The following TELO2 variants were observed in gnomAD, a reference collection of about 807,000 sequenced individuals.
TELO2 encodes the protein telomere length regulation protein TEL2 homolog.
In TELO2, 71 loss-of-function variants were observed where a neutral mutation model predicts 91.0. The ratio of observed to expected loss-of-function variants is 0.78; its 90% CI spans 0.64 to 0.95. The LOEUF is 0.95. Ranked by LOEUF, TELO2 falls within the 40% of genes least tolerant of loss-of-function variation. TELO2 has a pLI of 0.00. For missense variants in TELO2, 1,183 were observed against 1,141.3 expected (o/e 1.04, Z -0.53); for synonymous variants, 584 against 518.9 (o/e 1.13, Z -1.71).
Position 1,505,641 on chromosome 16 carries a change from C to T in TELO2, c.2034+40C>T, listed in dbSNP as rs372850908. ...GTCAGCTCCTCACGGGCATGGGGACCGTGGGTGGGTGGGAAGGGCGGTCAG... is the reference window on the plus strand; with the variant it reads ...GTCAGCTCCTCACGGGCATGGGGACTGTGGGTGGGTGGGAAGGGCGGTCAG... On this transcript the variant is annotated intron_variant, in intron 16 of 20. Coordinates refer to ENST00000262319, the MANE Select transcript of TELO2 (RefSeq NM_016111.4). The surrounding 1 kb of genome is among the most constrained non-coding windows in gnomAD (Gnocchi z 4.3). The T allele has an allele frequency of 1.5e-4, 107 of 732,638 alleles. 2 individuals are homozygous for T. The highest frequency in any genetic ancestry group is 7.6e-4 in the East Asian group (21 of 27,708). The allele number at this position is 732,638 out of a possible 1,614,324, so 45.4% of individuals were successfully genotyped here. A position where few individuals can be genotyped will look rare whatever the true frequency, so the allele number is the denominator to read the frequency against.
At chr16:1,504,779 A>C (rs55916601) in intron 15 of TELO2, among the ~76,000 whole-genome samples, 23 of 151,650 alleles carry the variant, frequency 1.5e-4, no homozygotes, top group Admixed American at 3.9e-4. Flanking sequence ...GGATGGTCTC[A>C]ATCTCCTGAC....
At position 1,500,409 on chromosome 16, in the gene TELO2, G is replaced by C. The variant is rs759343790; in HGVS notation, c.1065G>C (p.Pro355=). ...GTGCCATCCGCCACACTCCCCTGCCGCAGCAGCGCCACGTCAGCAAGGCTG... is the reference window on the plus strand; with the variant it reads ...GTGCCATCCGCCACACTCCCCTGCCCCAGCAGCGCCACGTCAGCAAGGCTG... ...SSSAIRHTPL[P]QQRHVSKAVL... Residue 355 remains proline, a synonymous_variant, in exon 8 of 21, where the codon CCG becomes CCC. Coordinates refer to ENST00000262319, the MANE Select transcript of TELO2 (RefSeq NM_016111.4). 32 of 1,603,810 alleles carry C rather than the reference G, an allele frequency of 2.0e-5. No individual in the cohort carries two copies. Among genetic ancestry groups the C allele is most frequent in the Non-Finnish European group, 2.6e-5 (31 of 1,176,556 alleles).
In TELO2 at chr16:1,506,881, C is replaced by T. The variant is rs923203918; in HGVS notation, c.2127-71C>T. ...TGTGTGGGGCTCCCTCGGTCTCCCACGGTGGCCCAGGAGGTTGGGGACCTG... is the reference window on the plus strand; with the variant it reads ...TGTGTGGGGCTCCCTCGGTCTCCCATGGTGGCCCAGGAGGTTGGGGACCTG... On this transcript the variant is annotated intron_variant, in intron 17 of 20. Transcript: ENST00000262319. 23 of 1,493,224 alleles carry T rather than the reference C, an allele frequency of 1.5e-5. No homozygotes were observed. In the Middle Eastern group the frequency reaches 1.2e-3, roughly 75 times the overall value. The allele number at this position is 1,493,224 out of a possible 1,614,324, so 92.5% of individuals were successfully genotyped here. A position where few individuals can be genotyped will look rare whatever the true frequency, so the allele number is the denominator to read the frequency against.
chr16:1,505,446 G>T lies in TELO2; in HGVS notation c.1879G>T (p.Gly627Trp), dbSNP rs139726833. The T allele has an allele frequency of 1.7e-5, 28 of 1,612,968 alleles. No individual in the cohort carries two copies. The African/African-American group carries it at 2.5e-4, about 15-fold the overall frequency. The change falls in exon 16 of 21, where the codon GGG becomes TGG. Residue 627 changes from glycine (G) to tryptophan (W), a missense_variant. Physicochemically the swap from Gly to Trp is radical, Grantham distance 184. Coordinates refer to ENST00000262319, the MANE Select transcript of TELO2 (RefSeq NM_016111.4). The surrounding 1 kb of genome is among the most constrained non-coding windows in gnomAD (Gnocchi z 4.3). ...GGCTGCCCAGGAGCTGTCTAGGCCT[G>T]GGTGCCTCGGGAGGACTCCCCAACC... ...TLAAQELSRP[G>W]CLGRTPQPGS...
At position 1,507,612 on chromosome 16, in the gene TELO2, A is replaced by G. The variant is rs1326895083; in HGVS notation, c.2303A>G (p.Gln768Arg). The G allele has an allele frequency of 1.3e-6, 2 of 1,592,402 alleles. No homozygotes were observed. The highest frequency in any genetic ancestry group is 4.5e-5 in the East Asian group (2 of 44,592). Residue 768 changes from glutamine (Q) to arginine (R), a missense_variant, in exon 20 of 21, where the codon CAG becomes CGG. Physicochemically the swap from Gln to Arg is conservative, Grantham distance 43. Transcript: ENST00000262319. ...CTTCTTGCCGGCAGCTACGTGCGCC[A>G]GGGGCTGTTGTCGGCCGTCTCCTCC... ...LRFHIDAYVR[Q>R]GLLSAVSSVL...
At chr16:1,495,651 T>G (rs754996021) in intron 3 of TELO2, 28 bp downstream of exon 3, 30 of 1,558,704 alleles carry the variant, frequency 1.9e-5, no homozygotes, top group Non-Finnish European at 2.5e-5. Flanking sequence ...GGACCCCCTT[T>G]GCCACCCGTC....
Position 1,494,066 on chromosome 16 carries a change from C to T in TELO2, c.-36-180C>T, listed in dbSNP as rs1477787211. ...CTGCAGTGGCTGGTAGCGTTGGGGTCCGAGCGGAGGAGCGAACTCTGGGTG... is the reference window on the plus strand; with the variant it reads ...CTGCAGTGGCTGGTAGCGTTGGGGTTCGAGCGGAGGAGCGAACTCTGGGTG... On this transcript the variant is annotated intron_variant, in intron 1 of 20. Coordinates refer to ENST00000262319, the MANE Select transcript of TELO2 (RefSeq NM_016111.4). The surrounding 1 kb of genome is among the most constrained non-coding windows in gnomAD (Gnocchi z 5.6). Among the ~76,000 whole-genome samples, 2 of 152,112 alleles carry T rather than the reference C, an allele frequency of 1.3e-5. No individual in the cohort carries two copies. The highest frequency in any genetic ancestry group is 2.9e-5 in the Non-Finnish European group (2 of 68,004).
At chr16:1,506,899 G>C in intron 17 of TELO2, 53 bp from the exon 18 acceptor site, 3 of 1,527,534 alleles carry the variant, frequency 2.0e-6, no homozygotes, top group Non-Finnish European at 2.6e-6. Context: ...CAGGAGGTTG[G>C]GGACCTGGCC....
At position 1,509,922 on chromosome 16, in the gene TELO2, C is replaced by A; in HGVS notation, c.2500C>A (p.Pro834Thr). 1 of 1,598,838 alleles carries A rather than the reference C, an allele frequency of 6.3e-7. No homozygotes were observed. The highest frequency in any genetic ancestry group is 8.5e-7 in the Non-Finnish European group (1 of 1,173,420). ...LQRLKNRLLP[P>T]ASP ...GAGACTCAAGAACAGGCTCCTCCCACCCGCGTCTCCCTAGTCCCTGGAGGC... is the reference window on the plus strand; with the variant it reads ...GAGACTCAAGAACAGGCTCCTCCCAACCGCGTCTCCCTAGTCCCTGGAGGC... The change falls in exon 21 of 21, where the codon CCC becomes ACC. Residue 834 changes from proline (P) to threonine (T), a missense_variant. Pro to Thr is a conservative substitution (Grantham distance 38). Transcript: ENST00000262319.
At position 1,500,721 on chromosome 16, in the gene TELO2, C is replaced by T. The variant is rs375588269; in HGVS notation, c.1281+22C>T. ...CCAGGTGAGCGGGCCGTCCCCTCCGCGTCCCCGTGTGGCTGGCCCGGGTCT... is the reference window on the plus strand; with the variant it reads ...CCAGGTGAGCGGGCCGTCCCCTCCGTGTCCCCGTGTGGCTGGCCCGGGTCT... On this transcript the variant is annotated intron_variant, in intron 9 of 20. Coordinates refer to ENST00000262319, the MANE Select transcript of TELO2 (RefSeq NM_016111.4). 1.7e-5 allele frequency: 27 copies of T among 1,610,348 alleles called. No homozygotes were observed. In the Middle Eastern group the frequency reaches 7.2e-4, roughly 43 times the overall value.
At chr16:1,509,218 G>A (rs1054664605) in intron 20 of TELO2, among the ~76,000 whole-genome samples, 1 of 152,140 alleles carries the variant, frequency 6.6e-6, no homozygotes, top group Non-Finnish European at 1.5e-5. Flanking sequence ...CTTTCCACTC[G>A]GCTGGCGGGG....
At position 1,495,326 on chromosome 16, in the gene TELO2, C is replaced by T; in HGVS notation, c.336-20C>T. 1 of 1,525,688 alleles carries T rather than the reference C, an allele frequency of 6.6e-7. No homozygotes were observed. The highest frequency in any genetic ancestry group is 8.8e-7 in the Non-Finnish European group (1 of 1,130,050). The allele number at this position is 1,525,688 out of a possible 1,614,324, so 94.5% of individuals were successfully genotyped here. A position where few individuals can be genotyped will look rare whatever the true frequency, so the allele number is the denominator to read the frequency against. ...GAGGATGGGGGTTGGCGGCTCTGCC[C>T]AACACGCCCGTATCTTCAGCCCCAG... On this transcript the variant is annotated intron_variant, in intron 2 of 20. Transcript: ENST00000262319.
At position 1,503,016 on chromosome 16, in the gene TELO2, G is replaced by A; in HGVS notation, c.1842+14G>A. ...GACATCCTGGATGTAAGTGCCTCCT[G>A]GGCCTCAGTCCCCCTGGTCTGGCCC... On this transcript the variant is annotated intron_variant, in intron 15 of 20. Coordinates refer to ENST00000262319, the MANE Select transcript of TELO2 (RefSeq NM_016111.4). The A allele has an allele frequency of 6.2e-7, 1 of 1,608,662 alleles. No homozygotes were observed.
At position 1,494,330 on chromosome 16, in the gene TELO2, C is replaced by T; in HGVS notation, c.49C>T (p.His17Tyr). 2 of 1,613,704 alleles carry T rather than the reference C, an allele frequency of 1.2e-6. No individual in the cohort carries two copies. The highest frequency in any genetic ancestry group is 1.7e-6 in the Non-Finnish European group (2 of 1,180,032). ...EVRLAVREAI[H>Y]ALSSSEDGGH... The stretch of plus-strand genomic sequence containing the variant: ...TCGACTCGCCGTCCGGGAAGCCATT[C>T]ATGCCCTCTCGTCTTCGGAGGATGG... Residue 17 changes from histidine to tyrosine, a missense_variant, in exon 2 of 21, where the codon CAT (histidine) becomes TAT (tyrosine). By Grantham distance (83) the His-to-Tyr change is moderately conservative. Transcript: ENST00000262319. This position sits in a 1 kb window ranked among gnomAD's most constrained non-coding sequence, Gnocchi z 5.6.
intron 20 of TELO2, 63 bp from the exon 21 acceptor site, chr16:1,509,767 C>G (rs1431377532): frequency 1.8e-5 from 26 of 1,464,200 alleles, no homozygotes; most frequent in Middle Eastern, 1.7e-4. Flanking sequence ...AGACTGAAGA[C>G]AGGAGGAGGG....
At position 1,497,355 on chromosome 16, in the gene TELO2, C is replaced by T; in HGVS notation, c.683-6C>T. The T allele has an allele frequency of 6.5e-7, 1 of 1,544,152 alleles. No individual in the cohort carries two copies. Among genetic ancestry groups the T allele is most frequent in the Non-Finnish European group, 8.7e-7 (1 of 1,143,642 alleles). Reference sequence around the variant, plus strand: ...CCAGGCTCAGGTCCTCCGTCTGTCCCCTCAGAGGAGATCCTGGGCGTGCTG... The same window carrying T: ...CCAGGCTCAGGTCCTCCGTCTGTCCTCTCAGAGGAGATCCTGGGCGTGCTG... On this transcript the variant is annotated splice_polypyrimidine_tract_variant and splice_region_variant and intron_variant, in intron 4 of 20. Coordinates refer to ENST00000262319, the MANE Select transcript of TELO2 (RefSeq NM_016111.4). This position sits in a 1 kb window ranked among gnomAD's most constrained non-coding sequence, Gnocchi z 4.0.
At position 1,507,619 on chromosome 16, in the gene TELO2, GT is replaced by G; in HGVS notation, c.2312del (p.Leu771CysfsTer20). The G allele has an allele frequency of 6.3e-7, 1 of 1,594,586 alleles. No homozygotes were observed. Among genetic ancestry groups the G allele is most frequent in the Non-Finnish European group, 8.5e-7 (1 of 1,177,774 alleles). On this transcript the variant is annotated frameshift_variant, in exon 20 of 21. Transcript: ENST00000262319. LOFTEE classifies it high-confidence loss of function. ...HIDAYVRQGL[L>X]SAVSSVLLSL... ...CCGGCAGCTACGTGCGCCAGGGGCT[GT>G]TGTCGGCCGTCTCCTCCGTCCTGCT...
intron 7 of TELO2, 22 bp downstream of exon 7, chr16:1,500,186 G>T: frequency 6.3e-7 from 1 of 1,588,386 alleles, no homozygotes; most frequent in Non-Finnish European, 8.5e-7. Flanking sequence ...CTGGCTCTCC[G>T]TCCCTGCGAG....
rs747764029 is a variant in TELO2, at chr16:1,495,356, C to T, written c.346C>T (p.Arg116Trp). 2.4e-5 allele frequency: 37 copies of T among 1,548,212 alleles called. No homozygotes were observed. Among genetic ancestry groups the T allele is most frequent in the African/African-American group, 2.7e-5 (2 of 73,210 alleles). ...CGCCCGTATCTTCAGCCCCAGCTTCCGGCTGATGAAGATGGCGCGGCTGCT... is the reference window on the plus strand; with the variant it reads ...CGCCCGTATCTTCAGCCCCAGCTTCTGGCTGATGAAGATGGCGCGGCTGCT... ...TIEGAAGPSF[R>W]LMKMARLLAR... is the part of the protein sequence containing the mutation. Residue 116 changes from arginine to tryptophan, a missense_variant, in exon 3 of 21, where the codon CGG becomes TGG. Coordinates refer to ENST00000262319, the MANE Select transcript of TELO2 (RefSeq NM_016111.4).
Sources: allele counts gnomAD v4.1 joint callset (sites outside exome capture counted in the v4.1 genomes callset), GRCh38; gene constraint gnomAD v4.1.1; non-coding constraint Gnocchi (gnomAD v3.1); transcripts MANE v1.5; gene names NCBI Gene and HGNC (gene_info 2026-07-23, HGNC 2026-07-21).